Variants in ENTREP2 observed in about 807,000 individuals in gnomAD.
The protein encoded by ENTREP2 is protein ENTREP2.
At chr15:29,624,871 TTGTGTGTGTGTGTGTGTGTGTGTG>T in the ENTREP2 span, among the ~76,000 whole-genome samples, 1 of 143,624 alleles carries the variant, frequency 7.0e-6, no homozygotes, top group African/African-American at 2.6e-5. Context: ...CTGCATTAAT[TTGTGTGTGTGTGTGTGTGTGTGTG>T]TGTGTGTGTG....
At chr15:29,542,403 G>A in the ENTREP2 span, among the ~76,000 whole-genome samples, 66,552 of 151,124 alleles carry the variant, frequency 0.44, 15,546 homozygotes, top group African/African-American at 0.61. Context: ...GGTTCACGCC[G>A]TTCTCCTGCC....
At chr15:29,433,412 A>G in the ENTREP2 span, among the ~76,000 whole-genome samples, 2 of 152,022 alleles carry the variant, frequency 1.3e-5, no homozygotes, top group African/African-American at 2.4e-5. Context: ...TAGAAACTCA[A>G]CTCCAACAGT....
At chr15:29,561,875 C>T in the ENTREP2 span, among the ~76,000 whole-genome samples, 1 of 152,144 alleles carries the variant, frequency 6.6e-6, no homozygotes, top group Non-Finnish European at 1.5e-5. Context: ...GACTTCCTTA[C>T]ACAAATTATA....
chr15:29,438,789 C>A, the ENTREP2 span, among the ~76,000 whole-genome samples: 3 of 152,110 alleles, frequency 2.0e-5, no homozygotes, highest in African/African-American at 7.2e-5. Flanking sequence ...TTTGTTAACA[C>A]CCGTAAGGGA....
the ENTREP2 span, among the ~76,000 whole-genome samples, chr15:29,502,786 GAAC>G: frequency 6.6e-6 from 1 of 151,964 alleles, no homozygotes; most frequent in Non-Finnish European, 1.5e-5. Context: ...CTAAGGATTT[GAAC>G]AAAAATTTCT....
At chr15:29,280,602 G>A in the ENTREP2 span, among the ~76,000 whole-genome samples, 1 of 152,192 alleles carries the variant, frequency 6.6e-6, no homozygotes, top group Non-Finnish European at 1.5e-5. Context: ...CAGCACCTGG[G>A]TTATGAAAGA....
chr15:29,587,150 TG>T, the ENTREP2 span, among the ~76,000 whole-genome samples: 2 of 94,842 alleles, frequency 2.1e-5, no homozygotes, highest in African/African-American at 7.4e-5. Context: ...TGTGTGTGTG[TG>T]TGTGTGTGTG....
At chr15:29,420,433 G>C in the ENTREP2 span, among the ~76,000 whole-genome samples, 3 of 152,118 alleles carry the variant, frequency 2.0e-5, no homozygotes, top group East Asian at 5.8e-4. Context: ...GGGGGTCCCA[G>C]GGTCAGAGAG....
the ENTREP2 span, chr15:29,375,415 G>A: frequency 1.3e-5 from 2 of 152,288 alleles, no homozygotes; most frequent in Non-Finnish European, 2.9e-5. Context: ...CTCTACTTGA[G>A]TAAGTCTTTC....
At chr15:29,156,877 T>C in the ENTREP2 span, among the ~76,000 whole-genome samples, 1 of 151,902 alleles carries the variant, frequency 6.6e-6, no homozygotes, top group Non-Finnish European at 1.5e-5. Flanking sequence ...GGAGGATCAC[T>C]TGAGGTCAGG....
At chr15:29,624,907 G>GTGTA in the ENTREP2 span, among the ~76,000 whole-genome samples, 15 of 146,090 alleles carry the variant, frequency 1.0e-4, no homozygotes, top group Non-Finnish European at 2.1e-4. Context: ...GTGTGTGTGT[G>GTGTA]TATAGTTTTA....
the ENTREP2 span, among the ~76,000 whole-genome samples, chr15:29,654,377 T>C: frequency 6.6e-6 from 1 of 152,230 alleles, no homozygotes; most frequent in Non-Finnish European, 1.5e-5. Context: ...TTTGTGCGGT[T>C]GGAGAATTCA....
the ENTREP2 span, among the ~76,000 whole-genome samples, chr15:29,431,651 A>ATGT: frequency 6.6e-6 from 1 of 152,210 alleles, no homozygotes; most frequent in Non-Finnish European, 1.5e-5. Flanking sequence ...GTCTGTTCAT[A>ATGT]ATATGATTTT....
the ENTREP2 span, among the ~76,000 whole-genome samples, chr15:29,549,197 C>T: frequency 5.3e-5 from 8 of 152,130 alleles, no homozygotes; most frequent in Admixed American, 4.6e-4. Flanking sequence ...CTGAACCTGT[C>T]CCTGGTTCTG....
At chr15:29,480,502 C>A in the ENTREP2 span, among the ~76,000 whole-genome samples, 1 of 151,920 alleles carries the variant, frequency 6.6e-6, no homozygotes, top group South Asian at 2.1e-4. Context: ...AGGGAGGCCA[C>A]AGGCTCACTG....
the ENTREP2 span, among the ~76,000 whole-genome samples, chr15:29,152,834 G>A: frequency 6.6e-6 from 1 of 152,136 alleles, no homozygotes; most frequent in African/African-American, 2.4e-5. Flanking sequence ...TACAGTAATT[G>A]CATGTTTAGT....
the ENTREP2 span, among the ~76,000 whole-genome samples, chr15:29,647,651 C>T: frequency 1.3e-5 from 2 of 152,110 alleles, no homozygotes; most frequent in Non-Finnish European, 2.9e-5. Context: ...TCAGAGACAC[C>T]TTATATTCCT....
chr15:29,363,451 T>C, the ENTREP2 span, among the ~76,000 whole-genome samples: 1 of 152,198 alleles, frequency 6.6e-6, no homozygotes, highest in African/African-American at 2.4e-5. Context: ...GGACTGAATT[T>C]CTGATGGGCA....
chr15:29,621,564 TC>T, the ENTREP2 span, among the ~76,000 whole-genome samples: 1 of 87,012 alleles, frequency 1.1e-5, no homozygotes, highest in Non-Finnish European at 2.2e-5. Context: ...AGGGGGCAGC[TC>T]GCACCATTAG....
Sources: allele counts gnomAD v4.1 joint callset (sites outside exome capture counted in the v4.1 genomes callset), GRCh38; gene constraint gnomAD v4.1.1; transcripts MANE v1.5; gene names NCBI Gene and HGNC (gene_info 2026-07-23, HGNC 2026-07-21).